The following SNX7 variants were observed in gnomAD, a reference collection of about 807,000 sequenced individuals.
SNX7 encodes the protein sorting nexin-7.
SNX7 carries 35 observed loss-of-function variants against 48.4 expected under a neutral mutation model. The ratio of observed to expected loss-of-function variants is 0.72; its 90% CI spans 0.55 to 0.96. The LOEUF is 0.96. Among genes scored for constraint, SNX7 ranks in the 40% least tolerant of loss-of-function variants. The probability of loss-of-function intolerance (pLI) is 0.00; values close to 1 mark genes in which losing one functional copy is unlikely to be tolerated. For synonymous variants in SNX7, 190 were observed against 190.2 expected (o/e 1.00, Z 0.01); for missense variants, 553 against 548.9 (o/e 1.01, Z -0.07).
chr1:98,738,095 A>C, intron 7 of SNX7, 142 bp from the exon 8 acceptor site: 1 of 799,454 alleles, frequency 1.3e-6, no homozygotes, highest in South Asian at 1.9e-5. Context: ...TTTAATTAGT[A>C]CACAGAGTAA....
chr1:98,706,327 T>C (rs1364213036), intron 7 of SNX7, among the ~76,000 whole-genome samples: 3 of 152,152 alleles, frequency 2.0e-5, no homozygotes, highest in Admixed American at 6.5e-5. Flanking sequence ...TTTAGTAATA[T>C]GTGTACCTGG....
intron 7 of SNX7, among the ~76,000 whole-genome samples, chr1:98,713,911 G>T (rs1158780730): frequency 6.6e-6 from 1 of 152,174 alleles, no homozygotes; most frequent in African/African-American, 2.4e-5. Flanking sequence ...GAAAAAGTTT[G>T]AAGTGTTGTA....
chr1:98,688,205 G>A (rs948877316), intron 2 of SNX7, among the ~76,000 whole-genome samples: 1 of 152,080 alleles, frequency 6.6e-6, no homozygotes, highest in African/African-American at 2.4e-5. Flanking sequence ...GATTGTAAGG[G>A]TAAATGAATA....
chr1:98,669,722 G>A (rs1163003825), intron 1 of SNX7, among the ~76,000 whole-genome samples: 1 of 152,164 alleles, frequency 6.6e-6, no homozygotes, highest in Admixed American at 6.5e-5. Flanking sequence ...CTTTTGTGTA[G>A]TTATTGTTAG....
chr1:98,739,831 A>G (rs983871041), intron 8 of SNX7, among the ~76,000 whole-genome samples: 2 of 152,192 alleles, frequency 1.3e-5, no homozygotes, highest in Admixed American at 6.6e-5. Context: ...GATTAGGCTG[A>G]AGAGTGCATT....
At chr1:98,740,817 A>G (rs1225694573) in intron 8 of SNX7, among the ~76,000 whole-genome samples, 3 of 152,182 alleles carry the variant, frequency 2.0e-5, no homozygotes, top group Non-Finnish European at 4.4e-5. Flanking sequence ...AAATGTTACA[A>G]AATTATATTG....
chr1:98,718,162 C>CA (rs909540605), intron 7 of SNX7, among the ~76,000 whole-genome samples: 1 of 151,930 alleles, frequency 6.6e-6, no homozygotes, highest in Non-Finnish European at 1.5e-5. Flanking sequence ...GGTCCCTCAC[C>CA]AAAAAACATA....
chr1:98,739,853 C>T (rs962418721), intron 8 of SNX7, among the ~76,000 whole-genome samples: 2 of 152,140 alleles, frequency 1.3e-5, no homozygotes, highest in Non-Finnish European at 2.9e-5. Context: ...TAAATTTATT[C>T]TTTTACCTTT....
At position 98,698,839 on chromosome 1, in the gene SNX7, G is replaced by A. The variant is rs138366520; in HGVS notation, c.972G>A (p.Met324Ile). The A allele has an allele frequency of 5.0e-4, 800 of 1,613,748 alleles. No homozygotes were observed. The highest frequency in any genetic ancestry group is 6.1e-4 in the Non-Finnish European group (720 of 1,179,818). Residue 324 changes from methionine to isoleucine, a missense_variant, in exon 6 of 9, where the codon ATG (methionine) becomes ATA (isoleucine). Transcript: ENST00000306121. ...DRCCKATEKR[M>I]SGLSEALLPV... ...GCTGTAAGGCCACTGAAAAGCGGAT[G>A]TCTGGACTCTCAGAGGCCCTGCTTC...
chr1:98,676,035 A>G (rs1026456080), intron 1 of SNX7, among the ~76,000 whole-genome samples: 2 of 152,156 alleles, frequency 1.3e-5, no homozygotes, highest in African/African-American at 4.8e-5. Flanking sequence ...ATCACATAGA[A>G]AAATATTAAA....
intron 2 of SNX7, among the ~76,000 whole-genome samples, chr1:98,686,446 A>G (rs1650804753): frequency 6.6e-6 from 1 of 152,214 alleles, no homozygotes; most frequent in African/African-American, 2.4e-5. Context: ...AGTAATTGCC[A>G]TCTACCTGTA....
intron 7 of SNX7, among the ~76,000 whole-genome samples, chr1:98,734,856 C>T (rs1653695340): frequency 2.0e-5 from 3 of 152,080 alleles, no homozygotes; most frequent in African/African-American, 7.2e-5. Context: ...GTTTTGCTGG[C>T]AACAAGGGTT....
At chr1:98,696,167 C>A (rs1379624599) in intron 5 of SNX7, among the ~76,000 whole-genome samples, 5 of 140,788 alleles carry the variant, frequency 3.6e-5, no homozygotes, top group East Asian at 4.1e-4. Context: ...TTCCTATTTT[C>A]TTTTTTTTTT....
At chr1:98,731,701 T>A (rs1209106776) in intron 7 of SNX7, among the ~76,000 whole-genome samples, 3 of 152,108 alleles carry the variant, frequency 2.0e-5, no homozygotes, top group Non-Finnish European at 1.5e-5. Context: ...CTGTATAGCA[T>A]GTTATTTTAG....
At chr1:98,725,013 G>A (rs956277314) in intron 7 of SNX7, among the ~76,000 whole-genome samples, 5 of 151,992 alleles carry the variant, frequency 3.3e-5, no homozygotes, top group East Asian at 1.9e-4. Context: ...TATGGTGTAC[G>A]GTTCAAACAT....
In SNX7 at chr1:98,750,295, G is replaced by A. The variant is rs1486421595; in HGVS notation, c.1279-9759G>A. On this transcript the variant is annotated intron_variant, in intron 8 of 8. Transcript: ENST00000306121. ...ATGGCGATATCAACTTGTTATGTAGGCATCACATGGTGGCTAAGGGGATGG... is the reference window on the plus strand; with the variant it reads ...ATGGCGATATCAACTTGTTATGTAGACATCACATGGTGGCTAAGGGGATGG... Among the ~76,000 whole-genome samples the A allele has an allele frequency of 5.3e-5, 8 of 152,038 alleles. 1 individual carries two copies. In the East Asian group the frequency reaches 1.6e-3, roughly 30 times the overall value.
Position 98,698,736 on chromosome 1 carries a change from C to A in SNX7, c.869C>A (p.Pro290Gln). Residue 290 changes from proline to glutamine, a missense_variant, in exon 6 of 9, where the codon CCA (proline) becomes CAA (glutamine). Coordinates refer to ENST00000306121, the MANE Select transcript of SNX7 (RefSeq NM_015976.5). ...EYFDEMKEYG[P>Q]IHILWSASEE... is the part of the protein sequence containing the mutation. ...TTTGATGAAATGAAAGAATATGGCCCAATTCATATTCTGTGGTCAGCGTCA... is the reference window on the plus strand; with the variant it reads ...TTTGATGAAATGAAAGAATATGGCCAAATTCATATTCTGTGGTCAGCGTCA... The A allele has an allele frequency of 6.2e-7, 1 of 1,611,824 alleles. No individual in the cohort carries two copies. Among genetic ancestry groups the A allele is most frequent in the Non-Finnish European group, 8.5e-7 (1 of 1,179,038 alleles).
At chr1:98,700,395 A>G (rs902952038) in intron 6 of SNX7, among the ~76,000 whole-genome samples, 8 of 152,168 alleles carry the variant, frequency 5.3e-5, no homozygotes, top group Admixed American at 5.2e-4. Flanking sequence ...ATAGGACTGA[A>G]TTAGAGAGTG....
chr1:98,748,994 T>C (rs1654444788), intron 8 of SNX7, among the ~76,000 whole-genome samples: 1 of 152,200 alleles, frequency 6.6e-6, no homozygotes, highest in South Asian at 2.1e-4. Flanking sequence ...CAGTTGGTTG[T>C]ACTTTCAGCG....
Sources: allele counts gnomAD v4.1 joint callset (sites outside exome capture counted in the v4.1 genomes callset), GRCh38; gene constraint gnomAD v4.1.1; transcripts MANE v1.5; gene names NCBI Gene and HGNC (gene_info 2026-07-23, HGNC 2026-07-21).